The following PRKDC variants were observed in gnomAD, a reference collection of about 807,000 sequenced individuals.
PRKDC encodes the protein protein kinase, DNA-activated, catalytic subunit, also known as DNA-dependent protein kinase catalytic subunit.
In PRKDC, 82 loss-of-function variants were observed where a neutral mutation model predicts 486.9. That is an observed-to-expected ratio of 0.17 (90% CI 0.14 to 0.20). The LOEUF is 0.20. Ranked by LOEUF, PRKDC falls within the 10% of genes least tolerant of loss-of-function variation. The pLI is 1.00. For synonymous variants in PRKDC, 1,895 were observed against 1,837.0 expected, an observed-to-expected ratio of 1.03 and a Z score of -0.81; for missense variants, 4,504 against 5,038.2, an observed-to-expected ratio of 0.89 and a Z score of 3.21.
At position 47,796,967 on chromosome 8, in the gene PRKDC, G is replaced by C. The variant is rs78114948; in HGVS notation, c.10458+1270C>G. ...CAAACTATTTTCCTTCATGGATTCT[G>C]GTTTTTGTCTCTTCATTCCAAGACC... is the stretch of plus-strand genomic sequence containing the variant. On this transcript the variant is annotated intron_variant, in intron 73 of 85. Transcript: ENST00000314191. 1.3e-4 allele frequency among the ~76,000 whole-genome samples: 20 copies of C among 152,060 alleles called. No homozygotes were observed. The East Asian group carries it at 3.7e-3, about 28-fold the overall frequency.
chr8:47,814,579 T>C (rs188245161), intron 68 of PRKDC, among the ~76,000 whole-genome samples: 1 of 152,238 alleles, frequency 6.6e-6, no homozygotes, highest in African/African-American at 2.4e-5. Flanking sequence ...TAAATCCATC[T>C]ATAACAGTGC....
chr8:47,958,446 G>A (rs572630331), intron 1 of PRKDC, among the ~76,000 whole-genome samples: 22 of 152,282 alleles, frequency 1.4e-4, no homozygotes, highest in African/African-American at 5.1e-4. Context: ...AAGAGTAACA[G>A]ACCTGTGCTG....
intron 64 of PRKDC, 69 bp from the exon 65 acceptor site, chr8:47,821,861 G>A: frequency 7.7e-7 from 1 of 1,304,234 alleles, no homozygotes; most frequent in Non-Finnish European, 1.0e-6. Context: ...CACGTAAAAA[G>A]GAGGAATGTA....
chr8:47,781,746 G>A (rs1463594938), intron 80 of PRKDC, among the ~76,000 whole-genome samples: 1 of 152,116 alleles, frequency 6.6e-6, no homozygotes, highest in East Asian at 1.9e-4. Context: ...AGTGACACAG[G>A]ACAGGTTACT....
chr8:47,841,911 A>C (rs1163692130), intron 54 of PRKDC, among the ~76,000 whole-genome samples: 3 of 152,138 alleles, frequency 2.0e-5, no homozygotes, highest in Non-Finnish European at 4.4e-5. Context: ...CAGTCCCCAC[A>C]ACTGTGTGCT....
At chr8:47,880,094 C>T (rs1476216102) in intron 38 of PRKDC, among the ~76,000 whole-genome samples, 1 of 152,138 alleles carries the variant, frequency 6.6e-6, no homozygotes, top group African/African-American at 2.4e-5. Context: ...GGAGATTCAC[C>T]TGCCTTGGCC....
At chr8:47,785,898 A>G (rs956224130) in intron 76 of PRKDC, among the ~76,000 whole-genome samples, 3 of 150,876 alleles carry the variant, frequency 2.0e-5, no homozygotes, top group Admixed American at 6.6e-5. Context: ...TGAGCTCAGG[A>G]GTTCGAGACA....
rs2088091674 is a variant in PRKDC at position 47,839,253 on chromosome 8, G to A, written c.7455-7C>T. On this transcript the variant is annotated splice_polypyrimidine_tract_variant and splice_region_variant and intron_variant, in intron 55 of 85. Transcript: ENST00000314191. ...TGTCTCACTTTCTGGATCTCTGCTT[G>A]AGAAAACAGCAAAATGTCACAACAT... is the stretch of plus-strand genomic sequence containing the variant. 1 of 1,594,922 alleles carries A rather than the reference G, an allele frequency of 6.3e-7. No homozygotes were observed. Among genetic ancestry groups the A allele is most frequent in the South Asian group, 1.1e-5 (1 of 90,336 alleles).
chr8:47,898,527 C>A lies in PRKDC; in HGVS notation c.3407G>T (p.Arg1136Leu), dbSNP rs781401034. ...AGAAACATGCTTCTTTTCAATGATG[C>A]GGCATAGGTGATCAATGGCATCACA... ...QCCDAIDHLC[R>L]IIEKKHVSLN... Residue 1136 changes from arginine (R) to leucine (L), a missense_variant, in exon 29 of 86, where the codon CGC becomes CTC. By Grantham distance (102) the Arg-to-Leu change is moderately radical (BLOSUM62 -2). Transcript: ENST00000314191. The A allele has an allele frequency of 3.2e-6, 5 of 1,544,998 alleles. No homozygotes were observed. The highest frequency in any genetic ancestry group is 4.4e-6 in the Non-Finnish European group (5 of 1,134,066).
At chr8:47,956,465 C>T (rs1424827618) in intron 3 of PRKDC, among the ~76,000 whole-genome samples, 2 of 150,180 alleles carry the variant, frequency 1.3e-5, no homozygotes, top group African/African-American at 2.5e-5. Flanking sequence ...GAGGCGGAGA[C>T]GGGAAGATCA....
intron 52 of PRKDC, among the ~76,000 whole-genome samples, chr8:47,852,208 C>A (rs2088423716): frequency 6.6e-6 from 1 of 152,200 alleles, no homozygotes; most frequent in Non-Finnish European, 1.5e-5. Context: ...CAGTTAGGCT[C>A]ATCTCACAGT....
In PRKDC at chr8:47,960,120, C is replaced by G; in HGVS notation, c.7G>C (p.Gly3Arg). The part of the protein sequence containing the change: MA[G>R]SGAGVRCSLL... Reference sequence around the variant, plus strand: ...GAGCAACGCACACCGGCTCCGGAGCCCGCCATGCCGCCGAGTCCCGCTCCC... The same window carrying G: ...GAGCAACGCACACCGGCTCCGGAGCGCGCCATGCCGCCGAGTCCCGCTCCC... The change falls in exon 1 of 86, where the codon GGC (glycine) becomes CGC (arginine). Residue 3 changes from glycine (G) to arginine (R), a missense_variant. Gly to Arg is a moderately radical substitution (Grantham distance 125). This residue lies in a region of PRKDC where 145 missense variants were observed against 136.3 expected (regional missense o/e 1.06). Coordinates refer to ENST00000314191, the MANE Select transcript of PRKDC (RefSeq NM_006904.7). The G allele has an allele frequency of 6.7e-7, 1 of 1,499,220 alleles. No individual in the cohort carries two copies. Among genetic ancestry groups the G allele is most frequent in the Non-Finnish European group, 8.9e-7 (1 of 1,127,644 alleles). 92.9% of individuals were successfully genotyped at this position (1,499,220 alleles called of 1,614,324 possible). A position where few individuals can be genotyped will look rare whatever the true frequency, so the allele number is the denominator to read the frequency against.
rs774053496 is a variant in PRKDC, at chr8:47,782,402, T to A, written c.11372A>T (p.Tyr3791Phe). 6.2e-7 allele frequency: 1 copy of A among 1,604,140 alleles called. No homozygotes were observed. The highest frequency in any genetic ancestry group is 8.5e-7 in the Non-Finnish European group (1 of 1,176,010). ...CSQRALQLRT[Y>F]SVVPMTSRLG... ...CCTGGAGGTCATGGGCACAACGCTA[T>A]AGGTCCTCAGCTGCAGGGCCCTCTG... Residue 3791 changes from tyrosine (Y) to phenylalanine (F), a missense_variant, in exon 79 of 86, where the codon TAT (tyrosine) becomes TTT (phenylalanine). By Grantham distance (22) the Tyr-to-Phe change is conservative. This residue lies in a region of PRKDC where 706 missense variants were observed against 945.0 expected (regional missense o/e 0.75). Transcript: ENST00000314191. This position sits in a 1 kb window ranked among gnomAD's most constrained non-coding sequence, Gnocchi z 4.9.
At chr8:47,843,149 A>G (rs1009798593) in intron 54 of PRKDC, among the ~76,000 whole-genome samples, 3 of 152,200 alleles carry the variant, frequency 2.0e-5, no homozygotes, top group African/African-American at 7.2e-5. Flanking sequence ...GGCCTGGGTT[A>G]CACAGCAAGA....
chr8:47,916,417 C>T (rs558956597), intron 22 of PRKDC, among the ~76,000 whole-genome samples: 16 of 151,398 alleles, frequency 1.1e-4, no homozygotes, highest in South Asian at 1.0e-3. Flanking sequence ...GGCAACGTAG[C>T]GAGACTCCAT....
At chr8:47,927,660 G>A (rs557207522) in intron 20 of PRKDC, 111 bp downstream of exon 20, 28 of 1,319,712 alleles carry the variant, frequency 2.1e-5, no homozygotes, top group Middle Eastern at 2.0e-4. Context: ...ACCCGGGCAC[G>A]CCTGTGAGGA....
intron 80 of PRKDC, among the ~76,000 whole-genome samples, chr8:47,781,660 A>G (rs982101505): frequency 2.0e-5 from 3 of 152,228 alleles, no homozygotes; most frequent in African/African-American, 7.2e-5. Context: ...AGAGAAAAGG[A>G]TACAGAAAAA....
intron 64 of PRKDC, among the ~76,000 whole-genome samples, chr8:47,823,550 T>C (rs1393761028): frequency 6.6e-6 from 1 of 152,068 alleles, no homozygotes; most frequent in Non-Finnish European, 1.5e-5. Context: ...GGTATTTCTC[T>C]ACAGAAATGC....
chr8:47,902,640 A>G lies in PRKDC; in HGVS notation c.3198T>C (p.Leu1066=), dbSNP rs1379746710. The change falls in exon 27 of 86, where the codon CTT becomes CTC. Residue 1066 remains leucine, a synonymous_variant. Coordinates refer to ENST00000314191, the MANE Select transcript of PRKDC (RefSeq NM_006904.7). Reference sequence around the variant, plus strand: ...TCTTGAAAGCATTGGGGTGAAGCGCAAGGCTATAAAGTCGCTTGAAAAGCG... The same window carrying G: ...TCTTGAAAGCATTGGGGTGAAGCGCGAGGCTATAAAGTCGCTTGAAAAGCG... ...TKSLFKRLYS[L]ALHPNAFKRL... 3 of 1,613,408 alleles carry G rather than the reference A, an allele frequency of 1.9e-6. No homozygotes were observed. The South Asian group carries it at 3.3e-5, about 18-fold the overall frequency.
Sources: gnomAD v4.1 joint callset for allele counts (sites outside exome capture counted in the v4.1 genomes callset) on GRCh38, gnomAD v4.1.1 for gene constraint, gnomAD v4.1.1 regional missense constraint, Gnocchi (gnomAD v3.1) non-coding constraint, MANE v1.5 for transcripts, NCBI Gene and HGNC (gene_info 2026-07-23, HGNC 2026-07-21) for gene names.